LY86: variants seen among roughly 807,000 people sequenced by gnomAD.
LY86 encodes lymphocyte antigen 86.
Under a neutral mutation model 17.3 loss-of-function variants are expected in LY86, and 20 were observed. The observed-to-expected ratio is 1.15, with a 90% CI of 0.81 to 1.68. The LOEUF (loss-of-function observed/expected upper bound fraction) is 1.68, where lower values mean the gene tolerates loss of function less well. LY86 is among the 40% of genes most tolerant of loss of function. The pLI is 0.00. For synonymous variants in LY86, 74 were observed against 70.6 expected, an observed-to-expected ratio of 1.05 and a Z score of -0.24; for missense variants, 200 against 191.9, an observed-to-expected ratio of 1.04 and a Z score of -0.25.
chr6:6,605,776 G>A (rs1279600959), intron 1 of LY86, among the ~76,000 whole-genome samples: 1 of 152,188 alleles, frequency 6.6e-6, no homozygotes, highest in South Asian at 2.1e-4. Flanking sequence ...CTGATGCTGG[G>A]ATGTGTTCAG....
chr6:6,627,072 T>C (rs1475508436), intron 3 of LY86, among the ~76,000 whole-genome samples: 1 of 152,112 alleles, frequency 6.6e-6, no homozygotes, highest in East Asian at 1.9e-4. Flanking sequence ...ACCAAGGCCC[T>C]GAGATGCTTC....
chr6:6,625,654 G>A (rs994087245), intron 2 of LY86, among the ~76,000 whole-genome samples: 1 of 152,190 alleles, frequency 6.6e-6, no homozygotes, highest in African/African-American at 2.4e-5. Context: ...AATCATTCCA[G>A]AGAAATGGAG....
Position 6,593,203 on chromosome 6 carries a change from C to A in LY86, c.136+4333C>A, listed in dbSNP as rs527510087. Among the ~76,000 whole-genome samples, 42 of 152,380 alleles carry A rather than the reference C, an allele frequency of 2.8e-4. No homozygotes were observed. In the South Asian group the frequency reaches 8.7e-3, roughly 32 times the overall value. On this transcript the variant is annotated intron_variant, in intron 1 of 4. Transcript: ENST00000230568. Reference sequence around the variant, plus strand: ...CTCTGGGGGAGAATCCCTTTCTTTTCTTTTCCAGCTTGTATAGGTGCATTC... The same window carrying A: ...CTCTGGGGGAGAATCCCTTTCTTTTATTTTCCAGCTTGTATAGGTGCATTC...
chr6:6,607,467 G>A (rs2113108107), intron 1 of LY86, among the ~76,000 whole-genome samples: 1 of 152,142 alleles, frequency 6.6e-6, no homozygotes, highest in South Asian at 2.1e-4. Context: ...TAAAGTATAT[G>A]ATTTCCAAAC....
At chr6:6,634,107 G>C (rs74384434) in intron 3 of LY86, among the ~76,000 whole-genome samples, 1 of 152,122 alleles carries the variant, frequency 6.6e-6, no homozygotes, top group Non-Finnish European at 1.5e-5. Context: ...GATTCATGGC[G>C]CATCCATGCC....
rs538572040 is a variant in LY86 at position 6,612,480 on chromosome 6, C to T, written c.137-12446C>T. 2.6e-4 allele frequency among the ~76,000 whole-genome samples: 40 copies of T among 152,044 alleles called. No homozygotes were observed. The East Asian group carries it at 5.6e-3, about 21-fold the overall frequency. ...ACACTTCATAAAAGCAATGCAGACC[C>T]AAAGTGTAAACAACAAAAACACTTA... On this transcript the variant is annotated intron_variant, in intron 1 of 4. Coordinates refer to ENST00000230568, the MANE Select transcript of LY86 (RefSeq NM_004271.4).
intron 3 of LY86, among the ~76,000 whole-genome samples, chr6:6,641,080 T>A (rs1762033168): frequency 2.0e-5 from 3 of 152,186 alleles, no homozygotes; most frequent in Admixed American, 6.5e-5. Flanking sequence ...CAAAAACACC[T>A]CAGCAACTAT....
At chr6:6,625,354 A>G (rs1425124692) in intron 2 of LY86, among the ~76,000 whole-genome samples, 5 of 152,192 alleles carry the variant, frequency 3.3e-5, no homozygotes, top group Non-Finnish European at 7.3e-5. Context: ...TTTTTTAGTT[A>G]TCTCAGCAAC....
At chr6:6,603,603 C>CAAAAAAAAAAAAAAAAAAAAAAA (rs1207511602) in intron 1 of LY86, among the ~76,000 whole-genome samples, 4 of 70,480 alleles carry the variant, frequency 5.7e-5, no homozygotes, top group Non-Finnish European at 9.6e-5. Flanking sequence ...AAAACAGAAA[C>CAAAAAAAAAAAAAAAAAAAAAAA]AGAAAAAAAA....
intron 3 of LY86, among the ~76,000 whole-genome samples, chr6:6,644,360 CA>C (rs1470385024): frequency 1.3e-5 from 2 of 152,172 alleles, no homozygotes; most frequent in East Asian, 1.9e-4. Flanking sequence ...TCCATCTCTA[CA>C]AAAAACTAGG....
At chr6:6,606,425 C>G (rs909926623) in intron 1 of LY86, among the ~76,000 whole-genome samples, 3 of 152,238 alleles carry the variant, frequency 2.0e-5, no homozygotes, top group African/African-American at 7.2e-5. Flanking sequence ...GGATCCTGCA[C>G]CTGGGCGGCA....
chr6:6,624,759 G>A (rs981265303), intron 1 of LY86, among the ~76,000 whole-genome samples, 167 bp from the exon 2 acceptor site: 2 of 151,990 alleles, frequency 1.3e-5, no homozygotes, highest in Admixed American at 6.6e-5. Context: ...TTGAAGACAC[G>A]GGGGGGAGCT....
At chr6:6,636,894 A>C (rs1447312430) in intron 3 of LY86, among the ~76,000 whole-genome samples, 1 of 67,950 alleles carries the variant, frequency 1.5e-5, no homozygotes, top group Non-Finnish European at 3.1e-5. Context: ...TCGAACTGCA[A>C]AAAAAAAAAA....
chr6:6,600,419 A>G (rs887661555), intron 1 of LY86, among the ~76,000 whole-genome samples: 1 of 151,774 alleles, frequency 6.6e-6, no homozygotes, highest in East Asian at 1.9e-4. Flanking sequence ...ACGATACCCT[A>G]TTTCTACTAA....
intron 1 of LY86, among the ~76,000 whole-genome samples, chr6:6,606,223 T>A (rs1761138204): frequency 6.6e-6 from 1 of 152,088 alleles, no homozygotes; most frequent in Admixed American, 6.5e-5. Context: ...CTAGATTAGC[T>A]AGATACAGAG....
chr6:6,602,295 C>T (rs111655464), intron 1 of LY86, among the ~76,000 whole-genome samples: 1 of 152,182 alleles, frequency 6.6e-6, no homozygotes, highest in African/African-American at 2.4e-5. Flanking sequence ...CATTTGAACA[C>T]CTGGAATTGC....
Position 6,626,356 on chromosome 6 carries a change from A to G in LY86, c.287A>G (p.Asn96Ser). The change falls in exon 3 of 5, where the codon AAT (asparagine) becomes AGT (serine). Residue 96 changes from asparagine to serine, a missense_variant. Asn to Ser is a conservative substitution (Grantham distance 46). Coordinates refer to ENST00000230568, the MANE Select transcript of LY86 (RefSeq NM_004271.4). The part of the protein sequence containing the change: ...ALMSQGSSVL[N>S]FSYPICEAAL... ...ATGTCTCAAGGCTCATCTGTTTTGAATTTCTCCTATCCCATCTGTGAGGCG... is the reference window on the plus strand; with the variant it reads ...ATGTCTCAAGGCTCATCTGTTTTGAGTTTCTCCTATCCCATCTGTGAGGCG... 1.2e-6 allele frequency: 2 copies of G among 1,613,974 alleles called. No individual in the cohort carries two copies. Among genetic ancestry groups the G allele is most frequent in the Non-Finnish European group, 1.7e-6 (2 of 1,179,992 alleles).
chr6:6,614,748 A>C lies in LY86; in HGVS notation c.137-10178A>C, dbSNP rs922121787. ...CGATGCTCAGGAAATGAAACAGAAA[A>C]AAAAAATGCTTTTAGGGGCTGTTGC... On this transcript the variant is annotated intron_variant, in intron 1 of 4. Transcript: ENST00000230568. Among the ~76,000 whole-genome samples, 6 of 151,806 alleles carry C rather than the reference A, an allele frequency of 4.0e-5. No individual in the cohort carries two copies. The South Asian group carries it at 1.0e-3, about 26-fold the overall frequency.
chr6:6,588,887 C>T lies in LY86; in HGVS notation c.136+17C>T. ...AGAGTTGCGGTAAGCCCTTGCAGTA[C>T]ACCCATGTGTGTTTATGGGGAAAGC... On this transcript the variant is annotated intron_variant, in intron 1 of 4. Transcript: ENST00000230568. 2 of 1,612,014 alleles carry T rather than the reference C, an allele frequency of 1.2e-6. No homozygotes were observed. Among genetic ancestry groups the T allele is most frequent in the African/African-American group, 1.3e-5 (1 of 74,998 alleles).
Sources: allele counts gnomAD v4.1 joint callset (sites outside exome capture counted in the v4.1 genomes callset), GRCh38; gene constraint gnomAD v4.1.1; transcripts MANE v1.5; gene names NCBI Gene and HGNC (gene_info 2026-07-23, HGNC 2026-07-21).